The following SH3D19 variants were observed in gnomAD, a reference collection of about 807,000 sequenced individuals.
SH3D19 encodes SH3 domain-containing protein 19.
In SH3D19, 58 loss-of-function variants were observed where a neutral mutation model predicts 112.1. The ratio of observed to expected loss-of-function variants is 0.52; its 90% CI spans 0.42 to 0.64. The LOEUF (loss-of-function observed/expected upper bound fraction) is 0.64, where lower values mean the gene tolerates loss of function less well. SH3D19 is among the 30% of genes least tolerant of loss of function. The pLI, the probability that SH3D19 is intolerant of heterozygous loss-of-function variation, is 0.00. For missense variants in SH3D19, 1,090 were observed against 1,263.4 expected, an observed-to-expected ratio of 0.86 and a Z score of 2.08; for synonymous variants, 391 against 448.5, an observed-to-expected ratio of 0.87 and a Z score of 1.62.
chr4:151,127,993 T>G (rs1749788715), intron 18 of SH3D19, among the ~76,000 whole-genome samples, 177 bp downstream of exon 18: 1 of 152,150 alleles, frequency 6.6e-6, no homozygotes, highest in Non-Finnish European at 1.5e-5. Flanking sequence ...AGACATTATC[T>G]TTTTTTTCTA....
rs369878668 is a variant in SH3D19 at position 151,175,357 on chromosome 4, T to C, written c.847A>G (p.Ile283Val). The stretch of plus-strand genomic sequence containing the variant: ...TTTTGGCTTTGTTCTGTGTTCATAA[T>C]GTTCATCACTGCCTGACTGTCTGAG... ...STSDSQAVMN[I>V]MNTEQSQNSI... is the part of the protein sequence containing the mutation. The change falls in exon 7 of 20, where the codon ATT (isoleucine) becomes GTT (valine). Residue 283 changes from isoleucine to valine, a missense_variant. Transcript: ENST00000604030. 8.2e-5 allele frequency: 131 copies of C among 1,605,458 alleles called. No individual in the cohort carries two copies. Among genetic ancestry groups the C allele is most frequent in the Non-Finnish European group, 1.6e-5 (19 of 1,175,816 alleles).
chr4:151,123,788 G>A (rs535094824), intron 19 of SH3D19, among the ~76,000 whole-genome samples: 1 of 152,198 alleles, frequency 6.6e-6, no homozygotes, highest in Admixed American at 6.5e-5. Flanking sequence ...ATGCTACAAT[G>A]GTCCCAGATG....
At chr4:151,153,632 C>G (rs1050098208) in intron 9 of SH3D19, among the ~76,000 whole-genome samples, 2 of 152,162 alleles carry the variant, frequency 1.3e-5, no homozygotes, top group Admixed American at 6.5e-5. Flanking sequence ...TTCTTAGGCA[C>G]AGATTGACTT....
chr4:151,126,725 G>A (rs567447090), intron 19 of SH3D19, among the ~76,000 whole-genome samples: 36 of 149,200 alleles, frequency 2.4e-4, no homozygotes, highest in African/African-American at 8.6e-4. Context: ...CGTGAACCGG[G>A]AGGTGGAGCT....
chr4:151,263,205 GA>G (rs1212859212), intron 1 of SH3D19, among the ~76,000 whole-genome samples: 46 of 152,162 alleles, frequency 3.0e-4, no homozygotes, highest in African/African-American at 1.1e-3. Flanking sequence ...TTCTTTTGAT[GA>G]AATTGAAGAC....
intron 1 of SH3D19, among the ~76,000 whole-genome samples, chr4:151,246,617 T>C (rs1770966429): frequency 6.6e-6 from 1 of 152,180 alleles, no homozygotes; most frequent in Non-Finnish European, 1.5e-5. Context: ...AATCTAAATT[T>C]TGCCATTAAT....
At chr4:151,241,043 G>C (rs1770509948) in intron 1 of SH3D19, among the ~76,000 whole-genome samples, 5 of 151,852 alleles carry the variant, frequency 3.3e-5, no homozygotes, top group Admixed American at 3.3e-4. Context: ...CCAACACTTT[G>C]GGAGGCTGAA....
chr4:151,140,025 G>T, intron 12 of SH3D19, 178 bp from the exon 13 acceptor site: 2 of 555,436 alleles, frequency 3.6e-6, no homozygotes, highest in Non-Finnish European at 6.4e-6. Context: ...AGTTGAAGAA[G>T]AATGTGTCCT....
At chr4:151,195,104 C>T (rs896284389) in intron 2 of SH3D19, among the ~76,000 whole-genome samples, 2 of 146,380 alleles carry the variant, frequency 1.4e-5, no homozygotes, top group African/African-American at 5.0e-5. Flanking sequence ...GGCGCGGTGG[C>T]TCATGCCTAT....
chr4:151,123,576 C>A (rs897876458), intron 19 of SH3D19, among the ~76,000 whole-genome samples: 13 of 152,162 alleles, frequency 8.5e-5, no homozygotes, highest in African/African-American at 3.1e-4. Flanking sequence ...GATTCTCCTG[C>A]CATGGCCTCA....
chr4:151,133,289 T>A (rs1579671005), intron 15 of SH3D19, 53 bp from the exon 16 acceptor site: 1 of 1,440,956 alleles, frequency 6.9e-7, no homozygotes, highest in African/African-American at 1.4e-5. Context: ...TTTAAAATGC[T>A]TAAAAACCTT....
At chr4:151,231,934 A>G (rs547058504) in intron 1 of SH3D19, among the ~76,000 whole-genome samples, 1 of 152,356 alleles carries the variant, frequency 6.6e-6, no homozygotes, top group South Asian at 2.1e-4. Flanking sequence ...CTGTAATCCC[A>G]GCACTTTGGG....
chr4:151,201,890 T>A (rs1034188967), intron 2 of SH3D19, among the ~76,000 whole-genome samples: 1 of 151,348 alleles, frequency 6.6e-6, no homozygotes, highest in Non-Finnish European at 1.5e-5. Flanking sequence ...CGGCTACCTG[T>A]AATCTCAGAT....
rs574128008 is a variant in SH3D19 at position 151,238,081 on chromosome 4, G to C, written c.113-11995C>G. Among the ~76,000 whole-genome samples, 3 of 152,282 alleles carry C rather than the reference G, an allele frequency of 2.0e-5. No individual in the cohort carries two copies. The South Asian group carries it at 6.2e-4, about 32-fold the overall frequency. ...GAGAAAGAGAGCTAAAAGGCAGACA[G>C]ATAAACTGTGCCAACCAGGGATCAC... On this transcript the variant is annotated intron_variant, in intron 1 of 19. Transcript: ENST00000604030.
chr4:151,154,958 A>G (rs1306847101), intron 9 of SH3D19, among the ~76,000 whole-genome samples: 2 of 151,900 alleles, frequency 1.3e-5, no homozygotes, highest in African/African-American at 2.4e-5. Flanking sequence ...AGGTTTCACC[A>G]TGTTGGCCAG....
In SH3D19 at chr4:151,321,595, G is replaced by A. The variant is rs147997710; in HGVS notation, c.112+3646C>T. ...TGGAAATCTCCATGTTTATCTCATG[G>A]GTTTTCATCTGATCTACTAAAAAGG... is the stretch of plus-strand genomic sequence containing the variant. On this transcript the variant is annotated intron_variant, in intron 1 of 19. Transcript: ENST00000604030. 8.5e-5 allele frequency among the ~76,000 whole-genome samples: 13 copies of A among 152,110 alleles called. No homozygotes were observed. In the East Asian group the frequency reaches 2.5e-3, roughly 29 times the overall value.
At chr4:151,161,935 C>A (rs1373590555) in intron 8 of SH3D19, among the ~76,000 whole-genome samples, 4 of 149,184 alleles carry the variant, frequency 2.7e-5, no homozygotes, top group Non-Finnish European at 4.5e-5. Context: ...TGGCTAAATT[C>A]TTTTTTTTTA....
chr4:151,236,971 G>A (rs891315707), intron 1 of SH3D19, among the ~76,000 whole-genome samples: 1 of 152,198 alleles, frequency 6.6e-6, no homozygotes, highest in African/African-American at 2.4e-5. Flanking sequence ...AATAAAAGCA[G>A]GCCACCCAAG....
intron 1 of SH3D19, among the ~76,000 whole-genome samples, chr4:151,237,107 A>C (rs1340037278): frequency 6.6e-6 from 1 of 152,004 alleles, no homozygotes; most frequent in African/African-American, 2.4e-5. Flanking sequence ...TGTAACATGC[A>C]CCGCGAAAGT....
Sources: gnomAD v4.1 joint callset for allele counts (sites outside exome capture counted in the v4.1 genomes callset) on GRCh38, gnomAD v4.1.1 for gene constraint, MANE v1.5 for transcripts, NCBI Gene and HGNC (gene_info 2026-07-23, HGNC 2026-07-21) for gene names.